KDM4B: variants seen among roughly 807,000 people sequenced by gnomAD.
KDM4B encodes the protein lysine-specific demethylase 4B.
A neutral mutation model predicts 125.2 loss-of-function variants in KDM4B; 32 were observed. That is an observed-to-expected ratio of 0.26 (90% CI 0.19 to 0.34). KDM4B has a LOEUF of 0.34. KDM4B is among the 10% of genes least tolerant of loss of function. KDM4B has a pLI of 1.00. For synonymous variants in KDM4B, 721 were observed against 677.9 expected, an observed-to-expected ratio of 1.06 and a Z score of -0.99; for missense variants, 1,190 against 1,577.7, an observed-to-expected ratio of 0.75 and a Z score of 4.16.
chr19:5,050,572 C>T (rs986515448), intron 6 of KDM4B, among the ~76,000 whole-genome samples: 4 of 152,214 alleles, frequency 2.6e-5, no homozygotes, highest in African/African-American at 9.6e-5. Context: ...CCCATAGAAG[C>T]CACTGTCCCA....
intron 9 of KDM4B, among the ~76,000 whole-genome samples, chr19:5,083,375 C>T (rs552981276): frequency 1.3e-5 from 2 of 152,114 alleles, no homozygotes; most frequent in African/African-American, 2.4e-5. Flanking sequence ...GTGACGGGGA[C>T]GTGGACGGGG....
At chr19:4,969,851 C>T (rs1458823884) in intron 1 of KDM4B, among the ~76,000 whole-genome samples, 1 of 150,980 alleles carries the variant, frequency 6.6e-6, no homozygotes, top group African/African-American at 2.4e-5. Flanking sequence ...CCTGTACGTA[C>T]CCGAAACCCC....
At position 5,150,386 on chromosome 19, in the gene KDM4B, CGGT is replaced by C; in HGVS notation, c.3052_3054del (p.Val1018del). On this transcript the variant is annotated inframe_deletion, in exon 22 of 23. Coordinates refer to ENST00000159111, the MANE Select transcript of KDM4B (RefSeq NM_015015.3). ...GAGTTTGAGGACGGGTCCCAGCTGA[CGGT>C]GAAGCGTGGGGACATCTTCACCCTG... 1 of 1,551,356 alleles carries C rather than the reference CGGT, an allele frequency of 6.4e-7. No homozygotes were observed. The highest frequency in any genetic ancestry group is 8.7e-7 in the Non-Finnish European group (1 of 1,146,940).
Position 5,114,165 on chromosome 19 carries a change from G to A in KDM4B, c.1115+3347G>A, listed in dbSNP as rs148921520. 7.2e-3 allele frequency: 9,332 copies of A among 1,289,714 alleles called. 98 individuals carry two copies. The highest frequency in any genetic ancestry group is 0.027 in the South Asian group (2,217 of 81,030). 79.9% of individuals were successfully genotyped at this position (1,289,714 alleles called of 1,614,324 possible). A position where few individuals can be genotyped will look rare whatever the true frequency, so the allele number is the denominator to read the frequency against. ...CAGTGCTCTCTGGCACCCACGCGACGCTCCTCCATGCAAACTCTTTCCACG... is the reference window on the plus strand; with the variant it reads ...CAGTGCTCTCTGGCACCCACGCGACACTCCTCCATGCAAACTCTTTCCACG... On this transcript the variant is annotated intron_variant, in intron 10 of 22. Transcript: ENST00000159111. The surrounding 1 kb of genome is among the most constrained non-coding windows in gnomAD (Gnocchi z 5.8).
intron 7 of KDM4B, among the ~76,000 whole-genome samples, chr19:5,072,368 CCTCTCCTGGCATGTG>C (rs1320082422): frequency 1.3e-5 from 2 of 152,064 alleles, no homozygotes. Flanking sequence ...TGGGCTGGGC[CCTCTCCTGGCATGTG>C]CTCTCCTGGC....
At chr19:5,135,725 A>G (rs2039638314) in intron 15 of KDM4B, among the ~76,000 whole-genome samples, 164 bp downstream of exon 15, 1 of 152,118 alleles carries the variant, frequency 6.6e-6, no homozygotes. Context: ...ACTTCCTGCA[A>G]TTTCTGACTT....
At chr19:5,005,831 G>C (rs1180059035) in intron 1 of KDM4B, among the ~76,000 whole-genome samples, 1 of 152,120 alleles carries the variant, frequency 6.6e-6, no homozygotes, top group African/African-American at 2.4e-5. Context: ...GTGGGGTAGA[G>C]AGCCCCCTGC....
intron 9 of KDM4B, among the ~76,000 whole-genome samples, chr19:5,106,946 A>G (rs377216151): frequency 6.6e-6 from 1 of 152,226 alleles, no homozygotes; most frequent in East Asian, 1.9e-4. Context: ...AAGGCAGGGC[A>G]ATCCAGGGCC....
chr19:4,982,014 G>C lies in KDM4B; in HGVS notation c.-109+12784G>C, dbSNP rs542249466. Among the ~76,000 whole-genome samples, 3 of 152,364 alleles carry C rather than the reference G, an allele frequency of 2.0e-5. No individual in the cohort carries two copies. In the South Asian group the frequency reaches 6.2e-4, roughly 32 times the overall value. ...GATTACAAAACCTCTAGAAGAGCCA[G>C]GTGCAGTGGCTCATGCCTGTCATCC... On this transcript the variant is annotated intron_variant, in intron 1 of 22. Transcript: ENST00000159111.
At chr19:5,085,101 T>G (rs1365086391) in intron 9 of KDM4B, among the ~76,000 whole-genome samples, 1 of 152,206 alleles carries the variant, frequency 6.6e-6, no homozygotes, top group East Asian at 1.9e-4. Context: ...TCTGGACGAA[T>G]GAGCTAACCT....
intron 6 of KDM4B, among the ~76,000 whole-genome samples, chr19:5,065,288 G>T (rs894332266): frequency 6.6e-6 from 1 of 152,246 alleles, no homozygotes. Flanking sequence ...TCTGCTCACC[G>T]TCATCGTAGC....
chr19:5,031,701 G>A (rs749927705), intron 2 of KDM4B, among the ~76,000 whole-genome samples: 3 of 152,214 alleles, frequency 2.0e-5, no homozygotes, highest in Non-Finnish European at 2.9e-5. Flanking sequence ...CTTTTGTCAG[G>A]ATGGAGGGTT....
At chr19:4,987,616 T>G (rs1295570728) in intron 1 of KDM4B, among the ~76,000 whole-genome samples, 2 of 152,138 alleles carry the variant, frequency 1.3e-5, no homozygotes, top group Non-Finnish European at 2.9e-5. Context: ...TTAGCGGTCT[T>G]TTATTAAGGT....
At chr19:4,989,284 C>T (rs1046748522) in intron 1 of KDM4B, among the ~76,000 whole-genome samples, 1 of 152,168 alleles carries the variant, frequency 6.6e-6, no homozygotes, top group African/African-American at 2.4e-5. Context: ...TTGGCTGTGT[C>T]TGCCAGTCTT....
At chr19:5,116,337 A>G (rs2039256157) in intron 10 of KDM4B, among the ~76,000 whole-genome samples, 2 of 152,098 alleles carry the variant, frequency 1.3e-5, no homozygotes, top group Non-Finnish European at 2.9e-5. Flanking sequence ...CAAAGGAAAA[A>G]GGCCTTCAAA....
chr19:5,150,365 T>G lies in KDM4B; in HGVS notation c.3029T>G (p.Phe1010Cys). Residue 1010 changes from phenylalanine (F) to cysteine (C), a missense_variant, in exon 22 of 23, where the codon TTT becomes TGT. Coordinates refer to ENST00000159111, the MANE Select transcript of KDM4B (RefSeq NM_015015.3). Reference sequence around the variant, plus strand: ...AGCCACATCCCCCTGCAGGTGGAGTTTGAGGACGGGTCCCAGCTGACGGTG... The same window carrying G: ...AGCCACATCCCCCTGCAGGTGGAGTGTGAGGACGGGTCCCAGCTGACGGTG... ...SVTSHIYQVE[F>C]EDGSQLTVKR... The G allele has an allele frequency of 6.4e-7, 1 of 1,551,134 alleles. No homozygotes were observed. The highest frequency in any genetic ancestry group is 8.7e-7 in the Non-Finnish European group (1 of 1,146,832).
chr19:4,982,575 A>G (rs1241422195), intron 1 of KDM4B, among the ~76,000 whole-genome samples: 1 of 151,104 alleles, frequency 6.6e-6, no homozygotes, highest in Admixed American at 6.6e-5. Flanking sequence ...GCTTGTCTGT[A>G]TAACCAAAAG....
At chr19:5,007,567 A>T in intron 1 of KDM4B, among the ~76,000 whole-genome samples, 1 of 118,500 alleles carries the variant, frequency 8.4e-6, no homozygotes, top group Admixed American at 1.0e-4. Flanking sequence ...TTTTTTTGAG[A>T]CAGAGTATTG....
intron 5 of KDM4B, among the ~76,000 whole-genome samples, chr19:5,043,890 C>T (rs562918180): frequency 8.6e-6 from 1 of 116,922 alleles, no homozygotes. Context: ...CTGTGTTTAT[C>T]GGAGTGGGGG....
Sources: allele counts gnomAD v4.1 joint callset (sites outside exome capture counted in the v4.1 genomes callset), GRCh38; gene constraint gnomAD v4.1.1; non-coding constraint Gnocchi (gnomAD v3.1); transcripts MANE v1.5; gene names NCBI Gene and HGNC (gene_info 2026-07-23, HGNC 2026-07-21).